PRDM10: variants seen among roughly 807,000 people sequenced by gnomAD.
PRDM10 encodes the protein PR domain zinc finger protein 10.
PRDM10 carries 65 observed loss-of-function variants against 133.1 expected under a neutral mutation model. That is an observed-to-expected ratio of 0.49 (90% CI 0.40 to 0.60). The LOEUF is 0.60. Ranked by LOEUF, PRDM10 falls within the 20% of genes least tolerant of loss-of-function variation. The pLI, the probability that PRDM10 is intolerant of heterozygous loss-of-function variation, is 0.00. For synonymous variants in PRDM10, 582 were observed against 580.4 expected, an observed-to-expected ratio of 1.00 and a Z score of -0.04; for missense variants, 1,137 against 1,507.1, an observed-to-expected ratio of 0.75 and a Z score of 4.07.
intron 1 of PRDM10, among the ~76,000 whole-genome samples, chr11:129,973,305 CA>C (rs1222412254): frequency 6.6e-6 from 1 of 152,070 alleles, no homozygotes; most frequent in African/African-American, 2.4e-5. Flanking sequence ...GTCTGTGAAC[CA>C]AAACCAGTGA....
intron 1 of PRDM10, among the ~76,000 whole-genome samples, chr11:129,977,051 C>T (rs566944158): frequency 7.2e-5 from 11 of 152,042 alleles, no homozygotes; most frequent in South Asian, 2.1e-4. Context: ...ACCCCCACCA[C>T]GTGACACAGC....
rs1177629519 is a variant in PRDM10, at chr11:129,944,951, C to T, written c.582G>A (p.Pro194=). ...GGGTGAGCACCGGCCGGTTGGGGAT[C>T]GGGTGCAAGGGGCCGTGCTTCGGAC... is the stretch of plus-strand genomic sequence containing the variant. ...SVCPKHGPLH[P]IPNRPVLTRA... Residue 194 remains proline, a synonymous_variant, in exon 6 of 21, where the codon CCG becomes CCA. Transcript: ENST00000360871. The T allele has an allele frequency of 3.1e-6, 5 of 1,613,636 alleles. No homozygotes were observed. The African/African-American group carries it at 4.0e-5, about 13-fold the overall frequency.
Position 129,985,809 on chromosome 11 carries a change from A to AATATATAT in PRDM10, c.-119+16905_-119+16912dup, listed in dbSNP as rs1555114095. 1.9e-3 allele frequency among the ~76,000 whole-genome samples: 119 copies of AATATATAT among 61,072 alleles called. 1 individual carries two copies. The highest frequency in any genetic ancestry group is 7.7e-3 in the African/African-American group (94 of 12,258). The allele number at this position is 61,072 out of a possible 152,430, so 40.1% of individuals were successfully genotyped here. A position where few individuals can be genotyped will look rare whatever the true frequency, so the allele number is the denominator to read the frequency against. On this transcript the variant is annotated intron_variant, in intron 1 of 20. Coordinates refer to ENST00000360871, the MANE Select transcript of PRDM10 (RefSeq NM_199437.2). ...AAAAAAAAAAAAAAAAAAAAAAAAA[A>AATATATAT]ATATATATATATATATATATATATG... is the stretch of plus-strand genomic sequence containing the variant.
chr11:129,945,022 A>G lies in PRDM10; in HGVS notation c.521-10T>C, dbSNP rs1951360623. ...TTGCACTCCTCACACCCTGCAAAAG[A>G]GAGACAGTCTTGAAGAAAAGTCCAA... On this transcript the variant is annotated splice_polypyrimidine_tract_variant and intron_variant, in intron 5 of 20. Transcript: ENST00000360871. The surrounding 1 kb of genome is among the most constrained non-coding windows in gnomAD (Gnocchi z 4.2). The G allele has an allele frequency of 6.2e-7, 1 of 1,609,070 alleles. No individual in the cohort carries two copies. The highest frequency in any genetic ancestry group is 2.2e-5 in the East Asian group (1 of 44,852).
intron 1 of PRDM10, among the ~76,000 whole-genome samples, chr11:129,999,148 G>GGTCAGA: frequency 6.6e-6 from 1 of 152,028 alleles, no homozygotes; most frequent in African/African-American, 2.4e-5. Flanking sequence ...GAATAAAAAA[G>GGTCAGA]AAAAGAGGCC....
rs1202862546 is a variant in PRDM10, at chr11:129,918,356, AAGGGAG to A, written c.2214+177_2214+182del. On this transcript the variant is annotated intron_variant, in intron 14 of 20. Coordinates refer to ENST00000360871, the MANE Select transcript of PRDM10 (RefSeq NM_199437.2). This position sits in a 1 kb window ranked among gnomAD's most constrained non-coding sequence, Gnocchi z 5.3. Reference sequence around the variant, plus strand: ...ATCCAAAAAGCAGCAAGAGAGAGCAAAGGGAGACTAGAAAAGACAGAACTCCAAATT... The same window carrying A: ...ATCCAAAAAGCAGCAAGAGAGAGCAAACTAGAAAAGACAGAACTCCAAATT... 6.6e-6 allele frequency among the ~76,000 whole-genome samples: 1 copy of A among 152,198 alleles called. No homozygotes were observed. The highest frequency in any genetic ancestry group is 2.4e-5 in the African/African-American group (1 of 41,448).
chr11:129,921,508 A>G (rs1402026018), intron 13 of PRDM10, among the ~76,000 whole-genome samples: 1 of 152,180 alleles, frequency 6.6e-6, no homozygotes, highest in African/African-American at 2.4e-5. Context: ...CTTAGAAGTA[A>G]CAAGAACTTC....
Position 129,967,322 on chromosome 11 carries a change from C to T in PRDM10, c.-118-6240G>A, listed in dbSNP as rs192870606. Among the ~76,000 whole-genome samples the T allele has an allele frequency of 2.4e-3, 370 of 152,138 alleles. 4 individuals are homozygous for T. The highest frequency in any genetic ancestry group is 8.2e-3 in the African/African-American group (339 of 41,514). ...AGGAGAACTGCTTGAACCAGAGAGGCGGAGGTTGCAGTGAGCTGAGGTTGC... is the reference window on the plus strand; with the variant it reads ...AGGAGAACTGCTTGAACCAGAGAGGTGGAGGTTGCAGTGAGCTGAGGTTGC... On this transcript the variant is annotated intron_variant, in intron 1 of 20. Transcript: ENST00000360871.
chr11:129,950,764 C>A (rs2135897221), intron 4 of PRDM10, among the ~76,000 whole-genome samples: 1 of 152,320 alleles, frequency 6.6e-6, no homozygotes. Context: ...CATAAACTCG[C>A]TCTGCAGAGC....
At chr11:129,987,828 G>A (rs1442642141) in intron 1 of PRDM10, among the ~76,000 whole-genome samples, 4 of 152,126 alleles carry the variant, frequency 2.6e-5, no homozygotes, top group East Asian at 1.9e-4. Context: ...GTGAAACCTC[G>A]TCTCTACTAA....
chr11:129,944,522 T>C (rs1277733891), intron 6 of PRDM10, among the ~76,000 whole-genome samples: 2 of 151,448 alleles, frequency 1.3e-5, no homozygotes, highest in Non-Finnish European at 1.5e-5. Context: ...AAGGCGGAGC[T>C]TGCAGTGAGC....
intron 2 of PRDM10, among the ~76,000 whole-genome samples, chr11:129,958,744 A>G (rs1951743106): frequency 6.6e-6 from 1 of 152,248 alleles, no homozygotes; most frequent in Non-Finnish European, 1.5e-5. Flanking sequence ...TTGCTGAATC[A>G]ATGAATGGAA....
Position 129,915,843 on chromosome 11 carries a change from G to A in PRDM10, c.2343C>T (p.Ser781=), listed in dbSNP as rs1565456982. 6.2e-7 allele frequency: 1 copy of A among 1,613,944 alleles called. No homozygotes were observed. Among genetic ancestry groups the A allele is most frequent in the East Asian group, 2.2e-5 (1 of 44,866 alleles). Residue 781 remains serine (S), a synonymous_variant, in exon 16 of 21, where the codon AGC becomes AGT. Coordinates refer to ENST00000360871, the MANE Select transcript of PRDM10 (RefSeq NM_199437.2). The part of the protein sequence containing the change: ...QYCDKVYKSA[S]KRKAHILKNH... ...TCTTCAGAATGTGGGCTTTGCGCTT[G>A]CTGGCACTTTTATAAACCTGCAAAT...
At chr11:129,979,327 C>T (rs1937971935) in intron 1 of PRDM10, among the ~76,000 whole-genome samples, 1 of 152,134 alleles carries the variant, frequency 6.6e-6, no homozygotes, top group South Asian at 2.1e-4. Context: ...CAGAACTCCA[C>T]TAACACCCAG....
intron 16 of PRDM10, 55 bp downstream of exon 16, chr11:129,915,605 A>G (rs1950332318): frequency 6.7e-7 from 1 of 1,501,530 alleles, no homozygotes; most frequent in South Asian, 1.3e-5. Context: ...CCTTTCCTTA[A>G]GAGATTCCTC....
intron 7 of PRDM10, among the ~76,000 whole-genome samples, chr11:129,938,011 G>A (rs1951088156): frequency 6.6e-6 from 1 of 152,192 alleles, no homozygotes; most frequent in African/African-American, 2.4e-5. Context: ...CAGGGTTGTA[G>A]TCATAGTGGT....
At chr11:129,971,607 G>C (rs1203570031) in intron 1 of PRDM10, among the ~76,000 whole-genome samples, 1 of 151,902 alleles carries the variant, frequency 6.6e-6, no homozygotes, top group African/African-American at 2.4e-5. Flanking sequence ...AGACATAAAG[G>C]TTCTCCAAGG....
At chr11:129,919,003 A>T (rs549306049) in intron 13 of PRDM10, among the ~76,000 whole-genome samples, 1 of 152,182 alleles carries the variant, frequency 6.6e-6, no homozygotes, top group Non-Finnish European at 1.5e-5. Flanking sequence ...TGTAGAGGAG[A>T]TTAAAGAGAA....
intron 1 of PRDM10, among the ~76,000 whole-genome samples, chr11:129,984,354 T>G (rs1938287383): frequency 6.6e-6 from 1 of 152,188 alleles, no homozygotes; most frequent in Admixed American, 6.5e-5. Context: ...CAACAAAATC[T>G]TTACATTAAA....
Sources: allele counts gnomAD v4.1 joint callset (sites outside exome capture counted in the v4.1 genomes callset), GRCh38; gene constraint gnomAD v4.1.1; non-coding constraint Gnocchi (gnomAD v3.1); transcripts MANE v1.5; gene names NCBI Gene and HGNC (gene_info 2026-07-23, HGNC 2026-07-21).